Variants in HABP4 observed in about 807,000 individuals in gnomAD.
HABP4 encodes hyaluronan binding protein 4, also known as intracellular hyaluronan-binding protein 4.
HABP4 carries 32 observed loss-of-function variants against 44.1 expected under a neutral mutation model. The ratio of observed to expected loss-of-function variants is 0.73; its 90% CI spans 0.55 to 0.97. HABP4 has a LOEUF of 0.97. Among genes scored for constraint, HABP4 ranks in the 50% least tolerant of loss-of-function variants. HABP4 has a pLI of 0.00. For missense variants in HABP4, 503 were observed against 561.9 expected (o/e 0.90, Z 1.06); for synonymous variants, 216 against 218.0 (o/e 0.99, Z 0.08).
rs1177884190 is a variant in HABP4 at position 96,476,065 on chromosome 9, C to T, written c.827+4971C>T. Among the ~76,000 whole-genome samples, 6 of 152,064 alleles carry T rather than the reference C, an allele frequency of 3.9e-5. No individual in the cohort carries two copies. In the South Asian group the frequency reaches 1.0e-3, roughly 26 times the overall value. On this transcript the variant is annotated intron_variant, in intron 5 of 7. Coordinates refer to ENST00000375249, the MANE Select transcript of HABP4 (RefSeq NM_014282.4). Reference sequence around the variant, plus strand: ...ATTGATGTTTTGTATCTTTCTTCTGCGCATATCATGACTGTTTTCCATCTA... The same window carrying T: ...ATTGATGTTTTGTATCTTTCTTCTGTGCATATCATGACTGTTTTCCATCTA...
chr9:96,479,633 C>T (rs187874154), intron 5 of HABP4, among the ~76,000 whole-genome samples: 322 of 152,132 alleles, frequency 2.1e-3, no homozygotes, highest in Middle Eastern at 6.8e-3. Context: ...GCCTCAGCCT[C>T]CCGAGTAGCT....
chr9:96,465,600 G>A, intron 3 of HABP4, 102 bp downstream of exon 3: 2 of 1,152,960 alleles, frequency 1.7e-6, no homozygotes, highest in Non-Finnish European at 2.6e-6. Context: ...GTACTGTGCT[G>A]TTATTCTTGT....
In HABP4 at chr9:96,480,495, A is replaced by T. The variant is rs547195880; in HGVS notation, c.828-3967A>T. Among the ~76,000 whole-genome samples, 328 of 152,354 alleles carry T rather than the reference A, an allele frequency of 2.2e-3. 1 individual carries two copies. Among genetic ancestry groups the T allele is most frequent in the Non-Finnish European group, 3.9e-3 (265 of 68,032 alleles). On this transcript the variant is annotated intron_variant, in intron 5 of 7. Transcript: ENST00000375249. ...GGTATTTTTCCAGCATTTTATTGTG[A>T]AAATTTCAAAACACAGCAAAGTTTA...
chr9:96,480,820 G>A (rs1832864169), intron 5 of HABP4, among the ~76,000 whole-genome samples: 1 of 152,084 alleles, frequency 6.6e-6, no homozygotes, highest in South Asian at 2.1e-4. Context: ...AACTCCTGTC[G>A]AATACAGAAC....
intron 1 of HABP4, 121 bp from the exon 2 acceptor site, chr9:96,458,258 C>G: frequency 9.7e-7 from 1 of 1,026,216 alleles, no homozygotes. Context: ...TTCTAAACTT[C>G]CTGAATTCTC....
At chr9:96,484,396 T>C in intron 5 of HABP4, 66 bp from the exon 6 acceptor site, 1 of 712,364 alleles carries the variant, frequency 1.4e-6, no homozygotes, top group Non-Finnish European at 2.4e-6. Flanking sequence ...TATAACTTTT[T>C]CTTTATAAAG....
intron 2 of HABP4, among the ~76,000 whole-genome samples, chr9:96,460,120 G>C (rs1030829471): frequency 6.6e-6 from 1 of 152,038 alleles, no homozygotes; most frequent in Non-Finnish European, 1.5e-5. Context: ...AGACTGTGTA[G>C]TCTTTAAAAA....
At chr9:96,477,471 C>T (rs1832800617) in intron 5 of HABP4, among the ~76,000 whole-genome samples, 1 of 152,146 alleles carries the variant, frequency 6.6e-6, no homozygotes, top group Non-Finnish European at 1.5e-5. Context: ...TCATATACCA[C>T]TCATAAATGT....
In HABP4 at chr9:96,490,069, GC is replaced by G; in HGVS notation, c.*32del. On this transcript the variant is annotated 3_prime_UTR_variant, in exon 8 of 8. Coordinates refer to ENST00000375249, the MANE Select transcript of HABP4 (RefSeq NM_014282.4). ...CCCTGTTTCCCAGCACCGCGGAGCT[GC>G]ACTGCACACCTGTGGGGAGACTTTT... 7.3e-7 allele frequency: 1 copy of G among 1,360,882 alleles called. No homozygotes were observed. The highest frequency in any genetic ancestry group is 1.1e-6 in the Non-Finnish European group (1 of 948,596). The allele number at this position is 1,360,882 out of a possible 1,614,324, so 84.3% of individuals were successfully genotyped here.
chr9:96,489,890 T>C, intron 7 of HABP4, 92 bp from the exon 8 acceptor site: 1 of 824,680 alleles, frequency 1.2e-6, no homozygotes, highest in Non-Finnish European at 2.2e-6. Flanking sequence ...TGCAGGCCCC[T>C]CAGCGTTGGT....
At chr9:96,489,105 C>T (rs1467260067) in intron 7 of HABP4, among the ~76,000 whole-genome samples, 1 of 152,170 alleles carries the variant, frequency 6.6e-6, no homozygotes, top group Non-Finnish European at 1.5e-5. Flanking sequence ...CTGCCCGGTT[C>T]CCTCGCTCTA....
At chr9:96,467,131 C>T (rs950987049) in intron 4 of HABP4, among the ~76,000 whole-genome samples, 8 of 152,080 alleles carry the variant, frequency 5.3e-5, no homozygotes, top group Admixed American at 2.0e-4. Flanking sequence ...CCACATTGGT[C>T]AGGCTGGTCT....
intron 5 of HABP4, chr9:96,483,942 A>G (rs1039745772): frequency 6.6e-6 from 1 of 151,084 alleles, no homozygotes; most frequent in Non-Finnish European, 1.5e-5. Flanking sequence ...CCACGGTTGG[A>G]AAAAAAAAAT....
At chr9:96,466,200 T>C (rs1832598983) in intron 4 of HABP4, among the ~76,000 whole-genome samples, 1 of 151,940 alleles carries the variant, frequency 6.6e-6, no homozygotes, top group Admixed American at 6.6e-5. Flanking sequence ...TGAAACCCCG[T>C]TTCTACTAAA....
chr9:96,490,029 G>A lies in HABP4; in HGVS notation c.1233G>A (p.Ala411=), dbSNP rs376431061. 1.3e-5 allele frequency: 21 copies of A among 1,598,916 alleles called. No homozygotes were observed. The highest frequency in any genetic ancestry group is 4.5e-5 in the East Asian group (2 of 44,824). Residue 411 remains alanine, a synonymous_variant, in exon 8 of 8, where the codon GCG becomes GCA. Coordinates refer to ENST00000375249, the MANE Select transcript of HABP4 (RefSeq NM_014282.4). ...PNPDDPEDFP[A]LS The stretch of plus-strand genomic sequence containing the variant: ...CAGATGACCCGGAAGATTTCCCTGC[G>A]CTGTCTTGAAAGAGCCCTGTTTCCC...
rs1832690662 is a variant in HABP4, at chr9:96,471,097, AG to A, written c.827+6del. ...CCGGAAGAGGAGTCTCCAGCCAAGT[AG>A]GGCATTTTGTTCATTCCCCATTGTG... On this transcript the variant is annotated splice_donor_region_variant and intron_variant, in intron 5 of 7. Transcript: ENST00000375249. 1.3e-6 allele frequency: 2 copies of A among 1,494,176 alleles called. No homozygotes were observed. Among genetic ancestry groups the A allele is most frequent in the Non-Finnish European group, 1.9e-6 (2 of 1,070,830 alleles). The allele number at this position is 1,494,176 out of a possible 1,614,324, so 92.6% of individuals were successfully genotyped here. A position where few individuals can be genotyped will look rare whatever the true frequency, so the allele number is the denominator to read the frequency against.
intron 2 of HABP4, among the ~76,000 whole-genome samples, chr9:96,461,716 T>C (rs956328714): frequency 1.3e-5 from 2 of 152,194 alleles, no homozygotes; most frequent in Non-Finnish European, 2.9e-5. Flanking sequence ...GGGCTGAATT[T>C]AGATAATCTT....
intron 3 of HABP4, 36 bp from the exon 4 acceptor site, chr9:96,465,674 G>A (rs771668137): frequency 2.0e-4 from 283 of 1,422,982 alleles, no homozygotes; most frequent in Non-Finnish European, 2.7e-4. Context: ...CTGGAGACTA[G>A]CTTCTGGTTT....
chr9:96,487,337 T>C (rs1832992888), intron 6 of HABP4, among the ~76,000 whole-genome samples: 1 of 152,124 alleles, frequency 6.6e-6, no homozygotes, highest in African/African-American at 2.4e-5. Flanking sequence ...GTGTGTGTGA[T>C]ACCCATTATT....
Sources: allele counts gnomAD v4.1 joint callset (sites outside exome capture counted in the v4.1 genomes callset), GRCh38; gene constraint gnomAD v4.1.1; transcripts MANE v1.5; gene names NCBI Gene and HGNC (gene_info 2026-07-23, HGNC 2026-07-21).